Variants in FAM120C observed in about 807,000 individuals in gnomAD.
FAM120C encodes the protein family with sequence similarity 120 member C.
Under a neutral mutation model 71.2 loss-of-function variants are expected in FAM120C, and 14 were observed. That is an observed-to-expected ratio of 0.20 (90% CI 0.13 to 0.31). The LOEUF is 0.31. Ranked by LOEUF, FAM120C falls within the 10% of genes least tolerant of loss-of-function variation. The pLI is 1.00. For missense variants in FAM120C, 500 were observed against 879.0 expected, an observed-to-expected ratio of 0.57 and a Z score of 5.45; for synonymous variants, 354 against 353.2, an observed-to-expected ratio of 1.00 and a Z score of -0.03.
At chrX:54,130,548 C>A (rs1462982172) in intron 9 of FAM120C, among the ~76,000 whole-genome samples, 2 of 110,887 alleles carry the variant, frequency 1.8e-5, no homozygotes, top group Non-Finnish European at 3.8e-5. Context: ...TATTAGTAGG[C>A]CTTTTCTGAC....
At chrX:54,170,937 G>A (rs1392636881) in intron 1 of FAM120C, among the ~76,000 whole-genome samples, 1 of 111,609 alleles carries the variant, frequency 9.0e-6, no homozygotes, top group East Asian at 2.8e-4. Context: ...AGGAGAAAGA[G>A]AGCGAGAATC....
At chrX:54,084,454 A>C (rs192263879) in intron 13 of FAM120C, among the ~76,000 whole-genome samples, 20 of 112,214 alleles carry the variant, frequency 1.8e-4, no homozygotes, top group Admixed American at 7.6e-4. Flanking sequence ...AATAGATAAC[A>C]AACACCTTCA....
intron 13 of FAM120C, 83 bp from the exon 14 acceptor site, chrX:54,081,543 G>C: frequency 2.9e-6 from 3 of 1,038,025 alleles, no homozygotes; most frequent in Non-Finnish European, 3.9e-6. Flanking sequence ...AGGCTGAGTC[G>C]GGCGGATTAC....
At chrX:54,168,388 G>A (rs1188383345) in intron 1 of FAM120C, among the ~76,000 whole-genome samples, 2 of 111,596 alleles carry the variant, frequency 1.8e-5, no homozygotes, top group African/African-American at 6.5e-5. Context: ...TCTTACCTTG[G>A]CTTCTCAAAC....
chrX:54,162,278 C>T, intron 1 of FAM120C, among the ~76,000 whole-genome samples: 1 of 111,650 alleles, frequency 9.0e-6, no homozygotes, highest in Non-Finnish European at 1.9e-5. Context: ...CAAGATTACT[C>T]CTCCTTCCCT....
intron 10 of FAM120C, among the ~76,000 whole-genome samples, chrX:54,095,797 C>T (rs1557123190): frequency 9.1e-6 from 1 of 110,294 alleles, no homozygotes; most frequent in East Asian, 2.9e-4. Flanking sequence ...GCTGGGATTA[C>T]AGGCATGCAC....
intron 15 of FAM120C, 146 bp from the exon 16 acceptor site, chrX:54,073,433 CTTTTT>C: frequency 2.4e-6 from 1 of 418,984 alleles, no homozygotes; most frequent in Non-Finnish European, 3.7e-6. Context: ...CTAGTACAAT[CTTTTT>C]TTTTTTTTTT....
chrX:54,131,013 T>C (rs1441649650), intron 9 of FAM120C, among the ~76,000 whole-genome samples: 1 of 111,678 alleles, frequency 9.0e-6, no homozygotes, highest in Admixed American at 9.6e-5. Context: ...TTCTAGAGTG[T>C]CTTGTCCTTG....
rs1406932236 is a variant in FAM120C at position 54,071,286 on chromosome X, T to A, written c.*1747A>T. 8.9e-6 allele frequency: 1 copy of A among 112,731 alleles called. No individual in the cohort carries two copies. Among genetic ancestry groups the A allele is most frequent in the Non-Finnish European group, 1.9e-5 (1 of 53,344 alleles). The allele number at this position is 112,731 out of a possible 1,213,427, so 9.3% of individuals were successfully genotyped here. On this transcript the variant is annotated 3_prime_UTR_variant, in exon 16 of 16. Transcript: ENST00000375180. The stretch of plus-strand genomic sequence containing the variant: ...GCAAGGAGGAATAGCCTCTTTATCC[T>A]GGGCAGATCCTGGCCACACAGGAGG...
chrX:54,144,720 T>G (rs1223187946), intron 4 of FAM120C, among the ~76,000 whole-genome samples: 4 of 112,102 alleles, frequency 3.6e-5, no homozygotes, highest in African/African-American at 9.7e-5. Context: ...GAATCAATAT[T>G]GTGAAAATGG....
At chrX:54,091,850 C>A (rs1463456588) in intron 10 of FAM120C, among the ~76,000 whole-genome samples, 1 of 111,431 alleles carries the variant, frequency 9.0e-6, no homozygotes, top group Non-Finnish European at 1.9e-5. Flanking sequence ...TGTGGTTCAG[C>A]ACAATGCACC....
At chrX:54,128,034 T>G (rs1192633786) in intron 9 of FAM120C, among the ~76,000 whole-genome samples, 1 of 111,761 alleles carries the variant, frequency 8.9e-6, no homozygotes, top group Non-Finnish European at 1.9e-5. Flanking sequence ...TTTACATTCC[T>G]ACCAACAGTA....
chrX:54,100,292 C>A (rs1212113246), intron 10 of FAM120C, among the ~76,000 whole-genome samples: 1 of 111,159 alleles, frequency 9.0e-6, no homozygotes, highest in African/African-American at 3.3e-5. Context: ...GAGACGGAGA[C>A]CATCCTGGCT....
intron 4 of FAM120C, among the ~76,000 whole-genome samples, chrX:54,149,756 A>G (rs73210487): frequency 0.013 from 1,408 of 111,572 alleles, 8 homozygotes; most frequent in Non-Finnish European, 0.018. Flanking sequence ...TTTGGGTGTT[A>G]TTACAAAGGG....
At chrX:54,157,609 G>A in intron 3 of FAM120C, 80 bp downstream of exon 3, 1 of 689,173 alleles carries the variant, frequency 1.5e-6, no homozygotes, top group South Asian at 2.6e-5. Context: ...TAAATCTAAT[G>A]TAAGATAATT....
chrX:54,178,410 A>C (rs1557136919), intron 1 of FAM120C, among the ~76,000 whole-genome samples: 1 of 111,995 alleles, frequency 8.9e-6, no homozygotes, highest in Non-Finnish European at 1.9e-5. Context: ...ATACACAAGA[A>C]TGTATAAAAT....
intron 1 of FAM120C, among the ~76,000 whole-genome samples, chrX:54,171,308 G>C (rs782741423): frequency 1.6e-4 from 18 of 111,176 alleles, no homozygotes; most frequent in Non-Finnish European, 3.4e-4. Flanking sequence ...CTACTGGGGA[G>C]GCTGAGGTGG....
chrX:54,181,400 C>A (rs1327680053), intron 1 of FAM120C, among the ~76,000 whole-genome samples: 1 of 111,150 alleles, frequency 9.0e-6, no homozygotes, highest in Non-Finnish European at 1.9e-5. Flanking sequence ...ACTTCCCAAG[C>A]CTTGCTATTC....
chrX:54,149,246 C>T (rs1192246466), intron 4 of FAM120C, among the ~76,000 whole-genome samples: 1 of 112,168 alleles, frequency 8.9e-6, no homozygotes, highest in Non-Finnish European at 1.9e-5. Context: ...GACTATTACT[C>T]AGCAATAAAA....
Sources: allele counts gnomAD v4.1 joint callset (sites outside exome capture counted in the v4.1 genomes callset), GRCh38; gene constraint gnomAD v4.1.1; transcripts MANE v1.5; gene names NCBI Gene and HGNC (gene_info 2026-07-23, HGNC 2026-07-21).